Variants in ALCAM observed in about 807,000 individuals in gnomAD.
ALCAM encodes CD166 antigen.
Under a neutral mutation model 70.9 loss-of-function variants are expected in ALCAM, and 30 were observed. The ratio of observed to expected loss-of-function variants is 0.42; its 90% CI spans 0.32 to 0.57. The LOEUF (loss-of-function observed/expected upper bound fraction) is 0.57. ALCAM is among the 20% of genes least tolerant of loss of function. ALCAM has a pLI of 0.11. For synonymous variants in ALCAM, 249 were observed against 242.5 expected (o/e 1.03, Z -0.25); for missense variants, 591 against 695.1 (o/e 0.85, Z 1.68).
chr3:105,553,256 C>A, intron 14 of ALCAM: 1 of 359,462 alleles, frequency 2.8e-6, no homozygotes, highest in Non-Finnish European at 3.9e-6. Context: ...GATGAACCAG[C>A]GAAGATTCTT....
intron 1 of ALCAM, among the ~76,000 whole-genome samples, chr3:105,383,547 T>G (rs1295397466): frequency 6.6e-6 from 1 of 151,776 alleles, no homozygotes; most frequent in Non-Finnish European, 1.5e-5. Flanking sequence ...TTGAGAAAAT[T>G]GTTCAATTTC....
At chr3:105,562,288 A>G (rs1940644065) in intron 14 of ALCAM, among the ~76,000 whole-genome samples, 2 of 152,254 alleles carry the variant, frequency 1.3e-5, no homozygotes, top group South Asian at 4.1e-4. Flanking sequence ...ATTCTTTACT[A>G]CAAAGTATCC....
chr3:105,428,405 T>C (rs906140140), intron 1 of ALCAM, among the ~76,000 whole-genome samples: 8 of 151,980 alleles, frequency 5.3e-5, no homozygotes, highest in African/African-American at 1.7e-4. Flanking sequence ...AGTTCATCTT[T>C]CTAATATATC....
intron 1 of ALCAM, among the ~76,000 whole-genome samples, chr3:105,406,966 A>T (rs1936251723): frequency 6.6e-6 from 1 of 152,168 alleles, no homozygotes; most frequent in South Asian, 2.1e-4. Flanking sequence ...GGAGACGAAT[A>T]AATTCCTGGA....
At position 105,534,742 on chromosome 3, in the gene ALCAM, A is replaced by G; in HGVS notation, c.627A>G (p.Thr209=). The G allele has an allele frequency of 6.2e-7, 1 of 1,613,890 alleles. No homozygotes were observed. The highest frequency in any genetic ancestry group is 1.1e-5 in the South Asian group (1 of 91,084). ...YTMTSTLEYK[T]TKADIQMPFT... ...TGACTTCCACCCTGGAGTACAAGAC[A>G]ACCAAGGCTGACATACAAATGCCAT... is the stretch of plus-strand genomic sequence containing the variant. The change falls in exon 6 of 16, where the codon ACA becomes ACG. Residue 209 remains threonine (T), a synonymous_variant. Transcript: ENST00000306107.
Position 105,465,270 on chromosome 3 carries a change from A to G in ALCAM, c.74-54797A>G, listed in dbSNP as rs905549543. Among the ~76,000 whole-genome samples, 6 of 151,414 alleles carry G rather than the reference A, an allele frequency of 4.0e-5. No individual in the cohort carries two copies. In the South Asian group the frequency reaches 1.2e-3, roughly 31 times the overall value. ...CTGAATTGAAGGTAACACGATGTGC[A>G]AACATAAATTCGTAGTGGTGTCAGT... On this transcript the variant is annotated intron_variant, in intron 1 of 15. Transcript: ENST00000306107.
rs576277443 is a variant in ALCAM, at chr3:105,425,433, A to G, written c.73+57952A>G. On this transcript the variant is annotated intron_variant, in intron 1 of 15. Transcript: ENST00000306107. ...CTGCATTGGGCATTGGAGATGTCTT[A>G]TGCTTTTTGCCTTTGCTACACACTT... 1.3e-3 allele frequency among the ~76,000 whole-genome samples: 204 copies of G among 151,914 alleles called. 1 individual carries two copies. Among genetic ancestry groups the G allele is most frequent in the Non-Finnish European group, 2.4e-3 (162 of 67,848 alleles).
chr3:105,377,884 A>G (rs1935417533), intron 1 of ALCAM, among the ~76,000 whole-genome samples: 1 of 152,040 alleles, frequency 6.6e-6, no homozygotes, highest in South Asian at 2.1e-4. Context: ...TATTTGTATT[A>G]GTTCGTTGTA....
chr3:105,466,551 T>C (rs1473038588), intron 1 of ALCAM, among the ~76,000 whole-genome samples: 2 of 151,478 alleles, frequency 1.3e-5, no homozygotes, highest in Admixed American at 6.6e-5. Flanking sequence ...TCATTAGTTA[T>C]CAAAATCATT....
chr3:105,501,606 AG>A (rs1275533228), intron 1 of ALCAM, among the ~76,000 whole-genome samples: 1 of 152,174 alleles, frequency 6.6e-6, no homozygotes, highest in Admixed American at 6.5e-5. Context: ...ATAATATCTG[AG>A]TGATCTTGAA....
chr3:105,471,290 TAAAAG>T (rs893468028), intron 1 of ALCAM, among the ~76,000 whole-genome samples: 1 of 151,256 alleles, frequency 6.6e-6, no homozygotes, highest in African/African-American at 2.4e-5. Flanking sequence ...GTCAAACTGT[TAAAAG>T]AAAAAGAAAA....
intron 15 of ALCAM, 52 bp from the exon 16 acceptor site, chr3:105,574,425 T>TA (rs2152636958): frequency 6.6e-6 from 1 of 152,070 alleles, no homozygotes; most frequent in Non-Finnish European, 1.5e-5. Context: ...CTGTTGATGT[T>TA]AAAAAATTAT....
chr3:105,422,982 T>C (rs1279818476), intron 1 of ALCAM, among the ~76,000 whole-genome samples: 4 of 151,492 alleles, frequency 2.6e-5, no homozygotes, highest in African/African-American at 7.3e-5. Context: ...TGTATAGTTA[T>C]GTCATATAAT....
intron 1 of ALCAM, among the ~76,000 whole-genome samples, chr3:105,392,385 G>A (rs917233177): frequency 4.6e-5 from 7 of 151,412 alleles, no homozygotes; most frequent in South Asian, 2.1e-4. Flanking sequence ...TTCTCTGATC[G>A]TTGTTTGTAT....
At position 105,564,707 on chromosome 3, in the gene ALCAM, T is replaced by C. The variant is rs147566848; in HGVS notation, c.1665-7145T>C. 2.2e-3 allele frequency among the ~76,000 whole-genome samples: 328 copies of C among 152,336 alleles called. 1 individual carries two copies. Among genetic ancestry groups the C allele is most frequent in the Non-Finnish European group, 3.9e-3 (264 of 68,032 alleles). Reference sequence around the variant, plus strand: ...TTGTATTGTTTTTAATGAGGAGTAGTTGGACTTTGGCCAGGTGTGGTAATG... The same window carrying C: ...TTGTATTGTTTTTAATGAGGAGTAGCTGGACTTTGGCCAGGTGTGGTAATG... On this transcript the variant is annotated intron_variant, in intron 14 of 15. Coordinates refer to ENST00000306107, the MANE Select transcript of ALCAM (RefSeq NM_001627.4).
rs990141747 is a variant in ALCAM, at chr3:105,486,640, C to T, written c.74-33427C>T. The stretch of plus-strand genomic sequence containing the variant: ...AGCAAGCATGCATCCATTATAATTA[C>T]ACTGGTTTTTTACTATGTAATTTAC... On this transcript the variant is annotated intron_variant, in intron 1 of 15. Transcript: ENST00000306107. Among the ~76,000 whole-genome samples the T allele has an allele frequency of 3.9e-5, 6 of 152,146 alleles. No homozygotes were observed. The East Asian group carries it at 9.7e-4, about 24-fold the overall frequency.
chr3:105,562,040 A>G (rs2152634237), intron 14 of ALCAM, among the ~76,000 whole-genome samples: 1 of 152,314 alleles, frequency 6.6e-6, no homozygotes, highest in East Asian at 1.9e-4. Flanking sequence ...GATATCACAT[A>G]GCTCAAAGTT....
At chr3:105,560,726 TG>T (rs1940613411) in intron 14 of ALCAM, among the ~76,000 whole-genome samples, 1 of 152,172 alleles carries the variant, frequency 6.6e-6, no homozygotes, top group African/African-American at 2.4e-5. Flanking sequence ...GGTGGGATTT[TG>T]TTTGGTTTTT....
At chr3:105,415,271 C>T (rs914332240) in intron 1 of ALCAM, among the ~76,000 whole-genome samples, 1 of 152,082 alleles carries the variant, frequency 6.6e-6, no homozygotes, top group Non-Finnish European at 1.5e-5. Context: ...TTAGTTGAGA[C>T]GAAGTGCCTC....
Sources: allele counts gnomAD v4.1 joint callset (sites outside exome capture counted in the v4.1 genomes callset), GRCh38; gene constraint gnomAD v4.1.1; transcripts MANE v1.5; gene names NCBI Gene and HGNC (gene_info 2026-07-23, HGNC 2026-07-21).